Variants in ACOXL observed in about 807,000 individuals in gnomAD.
ACOXL encodes the protein acyl-coenzyme A oxidase-like protein.
ACOXL carries 70 observed loss-of-function variants against 71.9 expected under a neutral mutation model. The ratio of observed to expected loss-of-function variants is 0.97; its 90% CI spans 0.80 to 1.19. The LOEUF (loss-of-function observed/expected upper bound fraction) is 1.19, where lower values mean the gene tolerates loss of function less well. ACOXL is among the 50% of genes most tolerant of loss of function. The pLI is 0.00. For missense variants in ACOXL, 703 were observed against 736.3 expected, an observed-to-expected ratio of 0.95 and a Z score of 0.52; for synonymous variants, 253 against 281.6, an observed-to-expected ratio of 0.90 and a Z score of 1.02.
At chr2:111,048,375 G>A (rs770608665) in intron 15 of ACOXL, among the ~76,000 whole-genome samples, 2 of 152,174 alleles carry the variant, frequency 1.3e-5, no homozygotes, top group African/African-American at 2.4e-5. Context: ...TAAACTAGTT[G>A]GGTTAACTTA....
chr2:110,798,969 G>A, intron 6 of ACOXL, 45 bp from the exon 7 acceptor site: 1 of 1,575,078 alleles, frequency 6.3e-7, no homozygotes, highest in Non-Finnish European at 8.7e-7. Context: ...CATGAGTAAA[G>A]CTATAGGAAG....
intron 10 of ACOXL, among the ~76,000 whole-genome samples, chr2:110,879,871 G>A (rs1696402663): frequency 6.6e-6 from 1 of 152,110 alleles, no homozygotes; most frequent in Non-Finnish European, 1.5e-5. Flanking sequence ...AGGGCTGGGC[G>A]TGGTGGGTCA....
At chr2:110,807,376 G>A (rs1686795057) in intron 9 of ACOXL, among the ~76,000 whole-genome samples, 1 of 152,230 alleles carries the variant, frequency 6.6e-6, no homozygotes, top group Non-Finnish European at 1.5e-5. Context: ...GATGGTTGTT[G>A]TTGTTGTTTT....
intron 10 of ACOXL, chr2:110,887,900 A>G (rs1697489778): frequency 6.6e-6 from 1 of 152,184 alleles, no homozygotes; most frequent in Non-Finnish European, 1.5e-5. Flanking sequence ...TCTTGCTGAC[A>G]TTGGAGGGCG....
intron 11 of ACOXL, among the ~76,000 whole-genome samples, chr2:110,920,093 CT>C: frequency 6.6e-6 from 1 of 152,240 alleles, no homozygotes; most frequent in South Asian, 2.1e-4. Context: ...GTAAGTAGGA[CT>C]GGTAGGTCAA....
At chr2:110,935,987 A>G (rs534196337) in intron 12 of ACOXL, among the ~76,000 whole-genome samples, 7 of 152,288 alleles carry the variant, frequency 4.6e-5, no homozygotes, top group South Asian at 4.2e-4. Flanking sequence ...TCACGCTCCT[A>G]TGAGCATCTA....
chr2:111,089,049 C>T (rs2068375883), intron 16 of ACOXL, among the ~76,000 whole-genome samples: 1 of 152,078 alleles, frequency 6.6e-6, no homozygotes, highest in South Asian at 2.1e-4. Context: ...GCCTGTAATC[C>T]CAGCACTTTG....
At chr2:111,073,411 T>C (rs2149938668) in intron 16 of ACOXL, among the ~76,000 whole-genome samples, 1 of 152,320 alleles carries the variant, frequency 6.6e-6, no homozygotes, top group South Asian at 2.1e-4. Context: ...AGATTTATAA[T>C]TCATTTTGAC....
chr2:110,906,586 C>CAAAAA (rs78173066), intron 10 of ACOXL, among the ~76,000 whole-genome samples: 9 of 98,896 alleles, frequency 9.1e-5, no homozygotes, highest in African/African-American at 3.0e-4. Context: ...ATTTTTCAGC[C>CAAAAA]AAAAAAAAAA....
chr2:111,042,288 T>A (rs1040921106), intron 15 of ACOXL, among the ~76,000 whole-genome samples: 1 of 152,220 alleles, frequency 6.6e-6, no homozygotes. Flanking sequence ...TTTGCCAGAC[T>A]TAGGACTCAG....
intron 14 of ACOXL, among the ~76,000 whole-genome samples, chr2:111,031,132 C>G (rs936864647): frequency 3.9e-5 from 6 of 152,168 alleles, no homozygotes; most frequent in Non-Finnish European, 8.8e-5. Context: ...TATGTTAATT[C>G]CTCACATATA....
Position 110,798,633 on chromosome 2 carries a change from T to G in ACOXL, c.369T>G (p.Cys123Trp). ...SAQEFVIDTPCENAEKMYIGN... is the reference protein window; with the variant it reads ...SAQEFVIDTPWENAEKMYIGN... ...AGGAGTTTGTAATTGACACGCCGTG[T>G]GAAAATGCGGAGAAGATGTATATTG... is the stretch of plus-strand genomic sequence containing the variant. The change falls in exon 6 of 18, where the codon TGT becomes TGG. Residue 123 changes from cysteine (C) to tryptophan (W), a missense_variant. Coordinates refer to ENST00000439055, the MANE Select transcript of ACOXL (RefSeq NM_001142807.4). The G allele has an allele frequency of 1.9e-6, 3 of 1,614,048 alleles. No homozygotes were observed. The highest frequency in any genetic ancestry group is 2.5e-6 in the Non-Finnish European group (3 of 1,179,976).
At chr2:110,997,922 A>G (rs1430778670) in intron 14 of ACOXL, among the ~76,000 whole-genome samples, 1 of 152,110 alleles carries the variant, frequency 6.6e-6, no homozygotes, top group African/African-American at 2.4e-5. Context: ...GTGGCAGCAC[A>G]TTCCTGTAGT....
At chr2:111,009,086 T>C (rs1031701531) in intron 14 of ACOXL, among the ~76,000 whole-genome samples, 5 of 152,226 alleles carry the variant, frequency 3.3e-5, no homozygotes, top group Non-Finnish European at 2.9e-5. Context: ...TAAAATTTTT[T>C]TATATAGTCA....
chr2:111,108,497 G>A (rs2069713776), intron 17 of ACOXL, among the ~76,000 whole-genome samples: 1 of 149,070 alleles, frequency 6.7e-6, no homozygotes, highest in Admixed American at 6.8e-5. Context: ...TCCTGCCTCA[G>A]CCTCCCAAGT....
chr2:110,848,751 A>G (rs1027011932), intron 10 of ACOXL, among the ~76,000 whole-genome samples: 4 of 152,060 alleles, frequency 2.6e-5, no homozygotes, highest in African/African-American at 9.7e-5. Context: ...TGCTCATGAC[A>G]TGTATGCTGC....
At chr2:110,954,389 T>G (rs1251764748) in intron 12 of ACOXL, among the ~76,000 whole-genome samples, 1 of 152,234 alleles carries the variant, frequency 6.6e-6, no homozygotes, top group Admixed American at 6.5e-5. Context: ...TATTTTCTAT[T>G]TGTTGAGTCT....
intron 12 of ACOXL, among the ~76,000 whole-genome samples, chr2:110,956,280 A>G (rs1275423471): frequency 6.6e-6 from 1 of 152,140 alleles, no homozygotes; most frequent in East Asian, 1.9e-4. Context: ...GGACAGGGCC[A>G]TGGCTGTAGT....
chr2:111,011,899 AAAAAAAGG>A (rs1400270056), intron 14 of ACOXL, among the ~76,000 whole-genome samples: 38 of 151,386 alleles, frequency 2.5e-4, no homozygotes, highest in African/African-American at 6.3e-4. Flanking sequence ...AAAAAAAAAA[AAAAAAAGG>A]AGTGTATTAC....
Sources: allele counts gnomAD v4.1 joint callset (sites outside exome capture counted in the v4.1 genomes callset), GRCh38; gene constraint gnomAD v4.1.1; transcripts MANE v1.5; gene names NCBI Gene and HGNC (gene_info 2026-07-23, HGNC 2026-07-21).